SLC7A1: variants seen among roughly 807,000 people sequenced by gnomAD.
SLC7A1 encodes high affinity cationic amino acid transporter 1.
Under a neutral mutation model 53.9 loss-of-function variants are expected in SLC7A1, and 10 were observed. That is an observed-to-expected ratio of 0.19 (90% CI 0.11 to 0.31). SLC7A1 has a LOEUF of 0.31. Among genes scored for constraint, SLC7A1 ranks in the 10% least tolerant of loss-of-function variants. SLC7A1 has a pLI of 1.00. For synonymous variants in SLC7A1, 342 were observed against 338.7 expected, an observed-to-expected ratio of 1.01 and a Z score of -0.11; for missense variants, 525 against 827.2, an observed-to-expected ratio of 0.63 and a Z score of 4.48.
rs1193825273 is a variant in SLC7A1 at position 29,512,406 on chromosome 13, A to AAAT, written c.*2071_*2073dup. The AAAT allele has an allele frequency of 6.6e-6, 1 of 152,234 alleles. No individual in the cohort carries two copies. The highest frequency in any genetic ancestry group is 1.5e-5 in the Non-Finnish European group (1 of 68,052). 9.4% of individuals were successfully genotyped at this position (152,234 alleles called of 1,614,324 possible). ...CATTAAAATGTCAAATGTCAACTCT[A>AAAT]AATAGTCTATTGGGTGCTGTCTTGC... On this transcript the variant is annotated 3_prime_UTR_variant, in exon 13 of 13. Transcript: ENST00000380752.
At chr13:29,516,996 G>A in intron 11 of SLC7A1, 148 bp downstream of exon 11, 1 of 660,034 alleles carries the variant, frequency 1.5e-6, no homozygotes, top group Non-Finnish European at 2.5e-6. Context: ...TGTGCCTTCA[G>A]GACCCCTGCC....
chr13:29,554,741 C>T (rs896506648), intron 1 of SLC7A1, among the ~76,000 whole-genome samples: 1 of 152,204 alleles, frequency 6.6e-6, no homozygotes, highest in Non-Finnish European at 1.5e-5. Flanking sequence ...TCAACAGCTA[C>T]AGTTTTATAA....
chr13:29,554,784 T>TG (rs1870357089), intron 1 of SLC7A1, among the ~76,000 whole-genome samples: 1 of 152,236 alleles, frequency 6.6e-6, no homozygotes, highest in South Asian at 2.1e-4. Context: ...TTCCCACAAT[T>TG]GGAATCTTAT....
At chr13:29,570,075 G>A (rs1871131202) in intron 1 of SLC7A1, among the ~76,000 whole-genome samples, 2 of 152,150 alleles carry the variant, frequency 1.3e-5, no homozygotes, top group African/African-American at 2.4e-5. Context: ...TACCTGGGTG[G>A]GCCAGCAGGT....
Position 29,519,762 on chromosome 13 carries a change from G to C in SLC7A1, c.1190-213C>G, listed in dbSNP as rs1868543623. Reference sequence around the variant, plus strand: ...TCACAGACACAGTCCTCAACAGACAGTAATCATCATTAACATTTGTATAGA... The same window carrying C: ...TCACAGACACAGTCCTCAACAGACACTAATCATCATTAACATTTGTATAGA... On this transcript the variant is annotated intron_variant, in intron 8 of 12. Transcript: ENST00000380752. Among the ~76,000 whole-genome samples, 3 of 150,602 alleles carry C rather than the reference G, an allele frequency of 2.0e-5. No homozygotes were observed. In the South Asian group the frequency reaches 6.3e-4, roughly 31 times the overall value.
chr13:29,522,182 C>T (rs1373781540), intron 8 of SLC7A1, 135 bp downstream of exon 8: 8 of 910,518 alleles, frequency 8.8e-6, no homozygotes, highest in Non-Finnish European at 1.4e-5. Flanking sequence ...ATGAACCAGG[C>T]TCCAAGTATA....
chr13:29,536,089 T>G lies in SLC7A1; in HGVS notation c.100A>C (p.Thr34Pro). The G allele has an allele frequency of 6.2e-7, 1 of 1,613,916 alleles. No individual in the cohort carries two copies. The highest frequency in any genetic ancestry group is 8.5e-7 in the Non-Finnish European group (1 of 1,180,024). The change falls in exon 3 of 13, where the codon ACT (threonine) becomes CCT (proline). Residue 34 changes from threonine (T) to proline (P), a missense_variant. Around this residue, in one of 4 missense-constraint regions of SLC7A1, gnomAD observed 354 missense variants for 587.5 expected, o/e 0.60. Coordinates refer to ENST00000380752, the MANE Select transcript of SLC7A1 (RefSeq NM_003045.5). ...EETRLSRCLN[T>P]FDLVALGVGS... ...ACCCCGAGGGCCACCAGATCAAAAG[T>G]GTTCAGGCAGCGAGACAGCCGCGTC...
At chr13:29,566,926 T>C (rs1323625787) in intron 1 of SLC7A1, among the ~76,000 whole-genome samples, 1 of 152,166 alleles carries the variant, frequency 6.6e-6, no homozygotes, top group Non-Finnish European at 1.5e-5. Flanking sequence ...TAATTCTGCT[T>C]CAAGTCAAAA....
intron 1 of SLC7A1, among the ~76,000 whole-genome samples, chr13:29,593,083 C>T (rs1872174460): frequency 6.6e-6 from 1 of 152,280 alleles, no homozygotes; most frequent in Non-Finnish European, 1.5e-5. Context: ...CAGGCAGGCA[C>T]CTGAGAGGGG....
At chr13:29,528,051 C>A (rs374908131) in intron 5 of SLC7A1, among the ~76,000 whole-genome samples, 31 of 152,284 alleles carry the variant, frequency 2.0e-4, no homozygotes, top group African/African-American at 7.5e-4. Context: ...GGGAGGGGAC[C>A]CTCTGCTGTT....
In SLC7A1 at chr13:29,523,264, A is replaced by T; in HGVS notation, c.1049+2T>A. 1 of 1,612,320 alleles carries T rather than the reference A, an allele frequency of 6.2e-7. No individual in the cohort carries two copies. Among genetic ancestry groups the T allele is most frequent in the Non-Finnish European group, 8.5e-7 (1 of 1,179,660 alleles). On this transcript the variant is annotated splice_donor_variant, in intron 7 of 12. Transcript: ENST00000380752. LOFTEE classifies it high-confidence loss of function. ...AGCAGCCACCACAGAAAGGCCTCTC[A>T]CCTGGCGGAAAGAGCGCAGAGGGAG...
At chr13:29,526,425 T>C (rs999202149) in intron 5 of SLC7A1, among the ~76,000 whole-genome samples, 1 of 152,158 alleles carries the variant, frequency 6.6e-6, no homozygotes, top group Non-Finnish European at 1.5e-5. Context: ...TGAGCCATGA[T>C]TGTGCCACTG....
chr13:29,595,679 T>A lies in SLC7A1; in HGVS notation c.-378A>T, dbSNP rs2139202300. ...TGGCGGGTTCCGGCGCCAGGTTTCA[T>A]CAGCAGTGCGCCCGGCCCCCGCCCC... On this transcript the variant is annotated 5_prime_UTR_variant, in exon 1 of 13. It removes an upstream start codon present in the reference 5' UTR. Transcript: ENST00000380752. 6.6e-6 allele frequency: 1 copy of A among 150,562 alleles called. No homozygotes were observed. The highest frequency in any genetic ancestry group is 6.6e-5 in the Admixed American group (1 of 15,126). 9.3% of individuals were successfully genotyped at this position (150,562 alleles called of 1,614,324 possible).
At chr13:29,585,646 A>G (rs866542085) in intron 1 of SLC7A1, among the ~76,000 whole-genome samples, 2 of 152,288 alleles carry the variant, frequency 1.3e-5, no homozygotes, top group South Asian at 4.2e-4. Context: ...CAGCCCAGAG[A>G]AAGGCTTTCC....
intron 1 of SLC7A1, among the ~76,000 whole-genome samples, chr13:29,557,474 C>T (rs1870487963): frequency 6.6e-6 from 1 of 152,124 alleles, no homozygotes; most frequent in African/African-American, 2.4e-5. Flanking sequence ...GCCTACAAAC[C>T]TGTACAGCAT....
intron 2 of SLC7A1, among the ~76,000 whole-genome samples, chr13:29,541,453 G>A (rs1338933560): frequency 2.0e-5 from 3 of 152,178 alleles, no homozygotes; most frequent in Non-Finnish European, 2.9e-5. Context: ...AATCCCAGGT[G>A]AACTGAGTCT....
intron 1 of SLC7A1, among the ~76,000 whole-genome samples, chr13:29,559,947 C>A (rs1870670759): frequency 6.6e-6 from 1 of 152,198 alleles, no homozygotes; most frequent in South Asian, 2.1e-4. Context: ...AATCTCCTGA[C>A]CTTGTGATCC....
At chr13:29,577,445 G>C (rs1325855865) in intron 1 of SLC7A1, among the ~76,000 whole-genome samples, 1 of 152,236 alleles carries the variant, frequency 6.6e-6, no homozygotes, top group Admixed American at 6.5e-5. Context: ...GCCCAGTGTA[G>C]GAGAAGTGAC....
At chr13:29,519,148 C>A (rs1324204044) in intron 9 of SLC7A1, among the ~76,000 whole-genome samples, 1 of 152,158 alleles carries the variant, frequency 6.6e-6, no homozygotes, top group Non-Finnish European at 1.5e-5. Context: ...AGTCTTCAAA[C>A]CTTCTGATCC....
Sources: gnomAD v4.1 joint callset for allele counts (sites outside exome capture counted in the v4.1 genomes callset) on GRCh38, gnomAD v4.1.1 for gene constraint, gnomAD v4.1.1 regional missense constraint, MANE v1.5 for transcripts, NCBI Gene and HGNC (gene_info 2026-07-23, HGNC 2026-07-21) for gene names.